The following SELP variants were observed in gnomAD, a reference collection of about 807,000 sequenced individuals.
SELP encodes P-selectin.
Under a neutral mutation model 104.1 loss-of-function variants are expected in SELP, and 92 were observed. The ratio of observed to expected loss-of-function variants is 0.88; its 90% CI spans 0.75 to 1.05. The LOEUF (loss-of-function observed/expected upper bound fraction) is 1.05, where lower values mean the gene tolerates loss of function less well. SELP is among the 50% of genes least tolerant of loss of function. SELP has a pLI of 0.00. For missense variants in SELP, 1,022 were observed against 1,017.3 expected (o/e 1.00, Z -0.06); for synonymous variants, 397 against 364.5 (o/e 1.09, Z -1.01).
In SELP at chr1:169,603,009, A is replaced by T; in HGVS notation, c.1705+17T>A. ...GTCATCTTTAAAGCCATAAGAAAGG[A>T]CAGACCCACAGCCTACCTTCACACA... On this transcript the variant is annotated intron_variant, in intron 10 of 16. Transcript: ENST00000263686. The T allele has an allele frequency of 6.3e-7, 1 of 1,599,922 alleles. No homozygotes were observed. Among genetic ancestry groups the T allele is most frequent in the South Asian group, 1.1e-5 (1 of 89,520 alleles).
At chr1:169,606,592 C>A (rs1327184133) in intron 9 of SELP, among the ~76,000 whole-genome samples, 1 of 152,136 alleles carries the variant, frequency 6.6e-6, no homozygotes, top group East Asian at 1.9e-4. Context: ...CACTCTGAAG[C>A]AATTTTTTTC....
Position 169,612,913 on chromosome 1 carries a change from A to T in SELP, c.775+16T>A, listed in dbSNP as rs775650149. On this transcript the variant is annotated intron_variant, in intron 5 of 16. Coordinates refer to ENST00000263686, the MANE Select transcript of SELP (RefSeq NM_003005.4). ...ATTCTATGTCAGTGAGGATGAAAAG[A>T]ATAAGGTCTACATACCTAAACACTG... 3 of 1,556,420 alleles carry T rather than the reference A, an allele frequency of 1.9e-6. No individual in the cohort carries two copies. The South Asian group carries it at 3.6e-5, about 18-fold the overall frequency.
In SELP at chr1:169,597,024, C is replaced by T. The variant is rs1661656890; in HGVS notation, c.1858G>A (p.Gly620Arg). The change falls in exon 11 of 17, where the codon GGA becomes AGA. Residue 620 changes from glycine to arginine, a missense_variant. Transcript: ENST00000263686. The part of the protein sequence containing the change: ...GPNNVECTTS[G>R]RWSATPPTCK... ...GTTGGTGGAGTAGCTGACCATCTTCCAGAAGTTGTGCATTCCACATTATTG... is the reference window on the plus strand; with the variant it reads ...GTTGGTGGAGTAGCTGACCATCTTCTAGAAGTTGTGCATTCCACATTATTG... 2 of 1,612,816 alleles carry T rather than the reference C, an allele frequency of 1.2e-6. No homozygotes were observed. The highest frequency in any genetic ancestry group is 3.3e-5 in the Admixed American group (2 of 59,920).
chr1:169,599,226 T>C (rs1571629459), intron 10 of SELP, among the ~76,000 whole-genome samples: 1 of 152,002 alleles, frequency 6.6e-6, no homozygotes, highest in African/African-American at 2.4e-5. Flanking sequence ...ATGAATGACA[T>C]TTGTGGAGTT....
Position 169,611,649 on chromosome 1 carries a change from G to T in SELP, c.990C>A (p.Pro330=), listed in dbSNP as rs748629858. Residue 330 remains proline, a synonymous_variant, in exon 7 of 17, where the codon CCC becomes CCA. Coordinates refer to ENST00000263686, the MANE Select transcript of SELP (RefSeq NM_003005.4). ...GAACACAGTCCATGGTTCCTTCACTGGGGGCTTCCAGGTGCTGACACTGCA... is the reference window on the plus strand; with the variant it reads ...GAACACAGTCCATGGTTCCTTCACTTGGGGCTTCCAGGTGCTGACACTGCA... ...KAVQCQHLEA[P]SEGTMDCVHP... is the part of the protein sequence containing the mutation. 6 of 1,613,866 alleles carry T rather than the reference G, an allele frequency of 3.7e-6. No individual in the cohort carries two copies. In the East Asian group the frequency reaches 1.1e-4, roughly 30 times the overall value.
Position 169,596,023 on chromosome 1 carries a change from CA to C in SELP, c.2002del (p.Cys668ValfsTer12). 6.2e-7 allele frequency: 1 copy of C among 1,613,922 alleles called. No homozygotes were observed. Among genetic ancestry groups the C allele is most frequent in the Non-Finnish European group, 8.5e-7 (1 of 1,179,850 alleles). On this transcript the variant is annotated frameshift_variant, in exon 12 of 17. Transcript: ENST00000263686. LOFTEE classifies it high-confidence loss of function. Reference protein sequence around the residue: ...HPGTFGFNTTCYFGCNAGFTL... With the variant: ...HPGTFGFNTTXYFGCNAGFTL... The stretch of plus-strand genomic sequence containing the variant: ...GAATCCAGCGTTGCAGCCAAAGTAA[CA>C]AGTGGTATTAAAACCAAAGGTTCCC...
intron 1 of SELP, among the ~76,000 whole-genome samples, chr1:169,619,920 G>A (rs1379468432): frequency 6.6e-6 from 1 of 151,822 alleles, no homozygotes; most frequent in East Asian, 1.9e-4. Context: ...AATGTTTTTG[G>A]GGCCAGGCAC....
rs150801730 is a variant in SELP at position 169,625,324 on chromosome 1, C to T, written c.3+4748G>A. Among the ~76,000 whole-genome samples the T allele has an allele frequency of 4.1e-4, 62 of 152,320 alleles. 2 individuals carry two copies. The East Asian group carries it at 7.3e-3, about 18-fold the overall frequency. On this transcript the variant is annotated intron_variant, in intron 1 of 16. Coordinates refer to ENST00000263686, the MANE Select transcript of SELP (RefSeq NM_003005.4). Reference sequence around the variant, plus strand: ...TTTTCTGAGTCTTCTTCTGAATCTACCTCAATCCTCTGCCTTCCCTTGCAG... The same window carrying T: ...TTTTCTGAGTCTTCTTCTGAATCTATCTCAATCCTCTGCCTTCCCTTGCAG...
chr1:169,607,908 GT>G (rs952526262), intron 8 of SELP, among the ~76,000 whole-genome samples: 59 of 152,096 alleles, frequency 3.9e-4, no homozygotes, highest in African/African-American at 1.4e-3. Flanking sequence ...TATGAAGGGG[GT>G]TAGTGAGACC....
At chr1:169,600,691 A>G (rs113062941) in intron 10 of SELP, among the ~76,000 whole-genome samples, 80 of 152,298 alleles carry the variant, frequency 5.3e-4, no homozygotes, top group Middle Eastern at 6.8e-3. Context: ...ACTCTGCAAA[A>G]CACCATGTGA....
At chr1:169,600,983 A>AG (rs1661881450) in intron 10 of SELP, among the ~76,000 whole-genome samples, 1 of 152,206 alleles carries the variant, frequency 6.6e-6, no homozygotes, top group African/African-American at 2.4e-5. Context: ...CTGCAGAGAA[A>AG]GGGGGGCTGG....
At chr1:169,610,479 T>G (rs968049531) in intron 7 of SELP, among the ~76,000 whole-genome samples, 4 of 152,124 alleles carry the variant, frequency 2.6e-5, no homozygotes, top group African/African-American at 9.7e-5. Flanking sequence ...GACCTCTGGT[T>G]TTTACAGACT....
chr1:169,589,863 T>C (rs986219771), intron 16 of SELP, among the ~76,000 whole-genome samples: 3 of 152,186 alleles, frequency 2.0e-5, no homozygotes, highest in Non-Finnish European at 4.4e-5. Context: ...GGCCACATCA[T>C]CACCACCTAG....
chr1:169,629,905 A>T (rs1269542077), intron 1 of SELP, among the ~76,000 whole-genome samples, 167 bp downstream of exon 1: 20 of 152,238 alleles, frequency 1.3e-4, no homozygotes, highest in Admixed American at 1.3e-3. Context: ...GGGAGGGTCA[A>T]AGTGGACAGC....
At chr1:169,603,273 C>G in intron 9 of SELP, 62 bp from the exon 10 acceptor site, 2 of 1,427,108 alleles carry the variant, frequency 1.4e-6, no homozygotes, top group South Asian at 2.6e-5. Context: ...AACCTGAACT[C>G]TGTAACTCTC....
intron 1 of SELP, among the ~76,000 whole-genome samples, chr1:169,626,129 T>C (rs1663359430): frequency 1.3e-5 from 2 of 151,998 alleles, no homozygotes; most frequent in African/African-American, 4.8e-5. Flanking sequence ...GGCCTTAAGG[T>C]GGAAGCAAAC....
chr1:169,595,179 C>T (rs1268254217), intron 12 of SELP, among the ~76,000 whole-genome samples: 2 of 152,050 alleles, frequency 1.3e-5, no homozygotes, highest in Non-Finnish European at 2.9e-5. Context: ...AATTTTGGTT[C>T]TTAAAATACT....
chr1:169,627,544 T>C (rs140977599), intron 1 of SELP, among the ~76,000 whole-genome samples: 149 of 152,358 alleles, frequency 9.8e-4, no homozygotes, highest in African/African-American at 3.5e-3. Context: ...AAGTTTCTGA[T>C]TTACTTTTTA....
At chr1:169,612,538 G>C in intron 5 of SELP, 136 bp from the exon 6 acceptor site, 1 of 730,212 alleles carries the variant, frequency 1.4e-6, no homozygotes, top group Non-Finnish European at 2.3e-6. Flanking sequence ...GTTAAATGGT[G>C]TTTTCAATAG....
Sources: gnomAD v4.1 joint callset for allele counts (sites outside exome capture counted in the v4.1 genomes callset) on GRCh38, gnomAD v4.1.1 for gene constraint, MANE v1.5 for transcripts, NCBI Gene and HGNC (gene_info 2026-07-23, HGNC 2026-07-21) for gene names.